The following MAGI2 variants were observed in gnomAD, a reference collection of about 807,000 sequenced individuals.
MAGI2 encodes membrane-associated guanylate kinase, WW and PDZ domain-containing protein 2.
A neutral mutation model predicts 133.3 loss-of-function variants in MAGI2; 35 were observed. The observed-to-expected ratio is 0.26, with a 90% CI of 0.20 to 0.35. The LOEUF is 0.35. Among genes scored for constraint, MAGI2 ranks in the 10% least tolerant of loss-of-function variants. The pLI, the probability that MAGI2 is intolerant of heterozygous loss-of-function variation, is 1.00. For missense variants in MAGI2, 1,636 were observed against 1,863.4 expected (o/e 0.88, Z 2.25); for synonymous variants, 729 against 710.6 (o/e 1.03, Z -0.41).
At chr7:78,459,664 A>C (rs1789751696) in intron 6 of MAGI2, among the ~76,000 whole-genome samples, 1 of 152,214 alleles carries the variant, frequency 6.6e-6, no homozygotes, top group Non-Finnish European at 1.5e-5. Flanking sequence ...CTTTATTTTC[A>C]TGCAGATATT....
At chr7:78,566,261 A>G (rs1012950513) in intron 3 of MAGI2, among the ~76,000 whole-genome samples, 1 of 152,142 alleles carries the variant, frequency 6.6e-6, no homozygotes. Flanking sequence ...ATTCAATGTG[A>G]AATAGAGAGT....
intron 20 of MAGI2, among the ~76,000 whole-genome samples, chr7:78,082,042 G>A (rs1054515124): frequency 1.3e-5 from 2 of 152,128 alleles, no homozygotes; most frequent in Non-Finnish European, 2.9e-5. Flanking sequence ...AAACCCCCTC[G>A]AACCCCAAAT....
At position 78,904,687 on chromosome 7, in the gene MAGI2, G is replaced by A. The variant is rs146125167; in HGVS notation, c.418+102403C>T. ...CCAACTAATTTTTGTATTTTTAGTC[G>A]AGACCGGGTTCCACCATGTTGGCTA... On this transcript the variant is annotated intron_variant, in intron 2 of 21. Transcript: ENST00000354212. Among the ~76,000 whole-genome samples the A allele has an allele frequency of 2.7e-3, 412 of 152,088 alleles. 2 individuals carry two copies. The highest frequency in any genetic ancestry group is 9.6e-3 in the African/African-American group (400 of 41,488).
rs545860159 is a variant in MAGI2, at chr7:79,091,567, T to C, written c.302-84361A>G. On this transcript the variant is annotated intron_variant, in intron 1 of 21. Coordinates refer to ENST00000354212, the MANE Select transcript of MAGI2 (RefSeq NM_012301.4). ...TACTAGATTTAATAGGTTAAATAGA[T>C]AATGGGATATTATGTTTTAAATACT... is the stretch of plus-strand genomic sequence containing the variant. Among the ~76,000 whole-genome samples, 3 of 152,236 alleles carry C rather than the reference T, an allele frequency of 2.0e-5. No individual in the cohort carries two copies. In the South Asian group the frequency reaches 6.2e-4, roughly 32 times the overall value.
chr7:79,152,872 A>C (rs1823393446), intron 1 of MAGI2, among the ~76,000 whole-genome samples: 1 of 152,232 alleles, frequency 6.6e-6, no homozygotes, highest in Non-Finnish European at 1.5e-5. Context: ...AACTGAGTAC[A>C]GACTTAAGGT....
At chr7:78,381,270 T>C (rs1393747962) in intron 6 of MAGI2, among the ~76,000 whole-genome samples, 1 of 151,892 alleles carries the variant, frequency 6.6e-6, no homozygotes, top group African/African-American at 2.4e-5. Context: ...TGGCTTTAAC[T>C]CAGGAAGGAG....
chr7:78,392,113 A>G (rs945175074), intron 6 of MAGI2, among the ~76,000 whole-genome samples: 1 of 152,198 alleles, frequency 6.6e-6, no homozygotes, highest in African/African-American at 2.4e-5. Flanking sequence ...CCTTGCCTCA[A>G]ACACTTTACC....
chr7:79,366,560 C>A (rs1478774661), intron 1 of MAGI2, among the ~76,000 whole-genome samples: 1 of 151,946 alleles, frequency 6.6e-6, no homozygotes, highest in Admixed American at 6.6e-5. Context: ...TAAATGATTC[C>A]AAATAGAACT....
chr7:79,372,780 ACT>A (rs1233118180), intron 1 of MAGI2, among the ~76,000 whole-genome samples: 1 of 152,076 alleles, frequency 6.6e-6, no homozygotes, highest in Admixed American at 6.6e-5. Flanking sequence ...TGGAGGAAGT[ACT>A]GTTTAGTCAA....
At chr7:79,325,791 A>AAGGAAGGCAACATTCAT (rs1200618099) in intron 1 of MAGI2, among the ~76,000 whole-genome samples, 2 of 152,206 alleles carry the variant, frequency 1.3e-5, no homozygotes, top group African/African-American at 4.8e-5. Context: ...ACGCATTCAC[A>AAGGAAGGCAACATTCAT]AGGAAGGCAA....
intron 10 of MAGI2, among the ~76,000 whole-genome samples, chr7:78,209,141 G>GA (rs1488915691): frequency 1.2e-5 from 1 of 80,808 alleles, no homozygotes. Context: ...AGAATGGCGT[G>GA]AACCCGGGAG....
chr7:78,725,614 C>T (rs4730476), intron 2 of MAGI2, among the ~76,000 whole-genome samples: 54,636 of 152,084 alleles, frequency 0.36, 10,511 homozygotes, highest in Non-Finnish European at 0.44. Flanking sequence ...CTGGCTAACA[C>T]GGTGAAACCC....
intron 7 of MAGI2, among the ~76,000 whole-genome samples, chr7:78,354,418 A>G (rs376117022): frequency 1.2e-4 from 18 of 152,326 alleles, no homozygotes; most frequent in African/African-American, 4.3e-4. Flanking sequence ...GAGAATTACC[A>G]AGGACACTCA....
chr7:79,107,780 C>G (rs763273887), intron 1 of MAGI2, among the ~76,000 whole-genome samples: 5 of 152,182 alleles, frequency 3.3e-5, no homozygotes, highest in African/African-American at 4.8e-5. Flanking sequence ...CATTGGTCAT[C>G]TAGTCTTTGA....
At chr7:78,259,743 G>A (rs1023243361) in intron 9 of MAGI2, among the ~76,000 whole-genome samples, 7 of 152,242 alleles carry the variant, frequency 4.6e-5, no homozygotes, top group Middle Eastern at 3.4e-3. Flanking sequence ...CCCCAAGCAC[G>A]CTCTCTCCTT....
chr7:79,310,474 A>T (rs77157376), intron 1 of MAGI2, among the ~76,000 whole-genome samples: 4,815 of 152,214 alleles, frequency 0.032, 107 homozygotes, highest in African/African-American at 0.051. Context: ...GGATCCAGAG[A>T]TCTGCATTTT....
intron 6 of MAGI2, among the ~76,000 whole-genome samples, chr7:78,402,907 AT>A (rs1436161979): frequency 6.6e-6 from 1 of 152,220 alleles, no homozygotes; most frequent in African/African-American, 2.4e-5. Flanking sequence ...AGTTTTAAAA[AT>A]ATATTGGTAT....
intron 1 of MAGI2, among the ~76,000 whole-genome samples, chr7:79,367,856 GACAT>G (rs1230983113): frequency 1.0e-4 from 7 of 70,034 alleles, no homozygotes; most frequent in African/African-American, 5.7e-4. Context: ...TTATATATGT[GACAT>G]ATATATATAT....
intron 11 of MAGI2, among the ~76,000 whole-genome samples, chr7:78,197,172 G>T (rs1828818153): frequency 6.6e-6 from 1 of 152,178 alleles, no homozygotes; most frequent in Non-Finnish European, 1.5e-5. Context: ...GGTTTCCTTG[G>T]TCATCCATTC....
Sources: allele counts gnomAD v4.1 joint callset (sites outside exome capture counted in the v4.1 genomes callset), GRCh38; gene constraint gnomAD v4.1.1; transcripts MANE v1.5; gene names NCBI Gene and HGNC (gene_info 2026-07-23, HGNC 2026-07-21).